Variants in KHDRBS2 observed in about 807,000 individuals in gnomAD.
The protein encoded by KHDRBS2 is KH domain-containing, RNA-binding, signal transduction-associated protein 2.
Under a neutral mutation model 44.3 loss-of-function variants are expected in KHDRBS2, and 26 were observed. The observed-to-expected ratio is 0.59, with a 90% CI of 0.43 to 0.81. The LOEUF (loss-of-function observed/expected upper bound fraction) is 0.81. Ranked by LOEUF, KHDRBS2 falls within the 40% of genes least tolerant of loss-of-function variation. The pLI is 0.00. For synonymous variants in KHDRBS2, 194 were observed against 151.1 expected (o/e 1.28, Z -2.08); for missense variants, 476 against 433.1 (o/e 1.10, Z -0.88).
At chr6:61,854,632 C>G (rs1795906287) in intron 6 of KHDRBS2, among the ~76,000 whole-genome samples, 1 of 152,094 alleles carries the variant, frequency 6.6e-6, no homozygotes, top group Admixed American at 6.6e-5. Context: ...TTAATCAAAA[C>G]TTGATCTTTA....
chr6:62,261,989 A>C (rs1363234650), intron 1 of KHDRBS2, among the ~76,000 whole-genome samples: 2 of 151,720 alleles, frequency 1.3e-5, no homozygotes, highest in African/African-American at 4.8e-5. Flanking sequence ...ACTTTGGCCA[A>C]AGTTCTAGAT....
the KHDRBS2 span, among the ~76,000 whole-genome samples, chr6:61,589,999 T>C: frequency 6.6e-6 from 1 of 152,152 alleles, no homozygotes; most frequent in Non-Finnish European, 1.5e-5. Context: ...AATGGGACTC[T>C]TGGATGTGGT....
intron 1 of KHDRBS2, among the ~76,000 whole-genome samples, chr6:62,258,251 G>A (rs1227846720): frequency 1.3e-5 from 2 of 152,014 alleles, no homozygotes; most frequent in African/African-American, 2.4e-5. Context: ...TTTTTTAAAC[G>A]TTTCCTCCAG....
chr6:62,227,294 G>A (rs1832048127), intron 1 of KHDRBS2, among the ~76,000 whole-genome samples: 1 of 152,052 alleles, frequency 6.6e-6, no homozygotes, highest in South Asian at 2.1e-4. Context: ...ATTGTGAATG[G>A]GAGTTGATTC....
intron 4 of KHDRBS2, among the ~76,000 whole-genome samples, chr6:61,972,976 T>A (rs1275161362): frequency 6.6e-6 from 1 of 152,068 alleles, no homozygotes; most frequent in Non-Finnish European, 1.5e-5. Context: ...CAAAAGCCCA[T>A]CTCTACTAAA....
the KHDRBS2 span, among the ~76,000 whole-genome samples, chr6:61,654,070 A>T: frequency 1.3e-5 from 2 of 152,014 alleles, no homozygotes; most frequent in Non-Finnish European, 2.9e-5. Context: ...TAAGGAATAG[A>T]ATTTTAGAAT....
chr6:62,282,766 AT>A (rs1841978773), intron 1 of KHDRBS2, among the ~76,000 whole-genome samples: 1 of 152,168 alleles, frequency 6.6e-6, no homozygotes, highest in Non-Finnish European at 1.5e-5. Context: ...CAGCCATTGA[AT>A]TTTTGTTCCG....
At chr6:62,191,265 T>G (rs1280988432) in intron 1 of KHDRBS2, among the ~76,000 whole-genome samples, 1 of 152,132 alleles carries the variant, frequency 6.6e-6, no homozygotes, top group Non-Finnish European at 1.5e-5. Context: ...TCTTCTTTCT[T>G]GCCATCCTGA....
the KHDRBS2 span, among the ~76,000 whole-genome samples, chr6:61,641,087 C>T: frequency 6.6e-6 from 1 of 152,104 alleles, no homozygotes; most frequent in Non-Finnish European, 1.5e-5. Context: ...AGTGCTCTGC[C>T]TTCCCAGTTT....
chr6:61,917,170 A>T (rs111891354), intron 4 of KHDRBS2, among the ~76,000 whole-genome samples: 1 of 151,776 alleles, frequency 6.6e-6, no homozygotes, highest in East Asian at 1.9e-4. Context: ...CTGATTCATA[A>T]TTGCCAAAAC....
At chr6:61,767,351 A>G (rs1473085823) in intron 6 of KHDRBS2, among the ~76,000 whole-genome samples, 1 of 151,868 alleles carries the variant, frequency 6.6e-6, no homozygotes, top group East Asian at 1.9e-4. Flanking sequence ...GTGTGTCTTC[A>G]TAGTTAAAGT....
chr6:62,275,566 T>C (rs1410593380), intron 1 of KHDRBS2, among the ~76,000 whole-genome samples: 1 of 152,184 alleles, frequency 6.6e-6, no homozygotes, highest in African/African-American at 2.4e-5. Context: ...AATGTACTGG[T>C]GGATGTAAAT....
chr6:61,992,570 G>A (rs752033060), intron 3 of KHDRBS2, among the ~76,000 whole-genome samples: 1 of 152,118 alleles, frequency 6.6e-6, no homozygotes, highest in Non-Finnish European at 1.5e-5. Flanking sequence ...GGACCATGGA[G>A]TATGTTTTTC....
At chr6:61,836,868 G>C (rs1421628038) in intron 6 of KHDRBS2, among the ~76,000 whole-genome samples, 2 of 152,026 alleles carry the variant, frequency 1.3e-5, no homozygotes, top group Non-Finnish European at 2.9e-5. Context: ...ATTAGTTGGT[G>C]TTGACAAGAG....
intron 6 of KHDRBS2, 60 bp downstream of exon 6, chr6:61,894,575 G>A (rs936697734): frequency 6.3e-5 from 86 of 1,359,636 alleles, no homozygotes; most frequent in Non-Finnish European, 8.0e-5. Flanking sequence ...AGTTTGAGAC[G>A]TAGCTTGTTA....
intron 2 of KHDRBS2, among the ~76,000 whole-genome samples, chr6:62,053,880 C>A (rs1278528006): frequency 6.6e-6 from 1 of 151,712 alleles, no homozygotes; most frequent in Admixed American, 6.6e-5. Flanking sequence ...TGCTGTTATA[C>A]AAAAAAGGTT....
intron 3 of KHDRBS2, among the ~76,000 whole-genome samples, chr6:61,998,802 T>C (rs561494348): frequency 1.3e-5 from 2 of 152,086 alleles, no homozygotes; most frequent in African/African-American, 2.4e-5. Flanking sequence ...AATGGCTTTC[T>C]GCTTCTCTTG....
chr6:62,168,993 G>A (rs1819262066), intron 2 of KHDRBS2, among the ~76,000 whole-genome samples: 1 of 133,372 alleles, frequency 7.5e-6, no homozygotes, highest in Non-Finnish European at 1.6e-5. Context: ...TATGTGTGGA[G>A]AAGAAATAGC....
chr6:62,270,802 G>A (rs1223307691), intron 1 of KHDRBS2, among the ~76,000 whole-genome samples: 7 of 152,132 alleles, frequency 4.6e-5, no homozygotes, highest in African/African-American at 1.7e-4. Context: ...TAGGATTCAC[G>A]AGATGACTGG....
Sources: allele counts gnomAD v4.1 joint callset (sites outside exome capture counted in the v4.1 genomes callset), GRCh38; gene constraint gnomAD v4.1.1; transcripts MANE v1.5; gene names NCBI Gene and HGNC (gene_info 2026-07-23, HGNC 2026-07-21).